Variants in CPNE8 observed in about 807,000 individuals in gnomAD.
CPNE8 encodes copine 8.
A neutral mutation model predicts 81.5 loss-of-function variants in CPNE8; 45 were observed. The observed-to-expected ratio is 0.55, with a 90% CI of 0.44 to 0.71. The LOEUF (loss-of-function observed/expected upper bound fraction) is 0.71, where lower values mean the gene tolerates loss of function less well. CPNE8 is among the 30% of genes least tolerant of loss of function. CPNE8 has a pLI of 0.00. For missense variants in CPNE8, 594 were observed against 672.1 expected (o/e 0.88, Z 1.28); for synonymous variants, 252 against 226.3 (o/e 1.11, Z -1.02).
rs533364077 is a variant in CPNE8, at chr12:38,879,104, A to G, written c.99-4593T>C. 4.6e-5 allele frequency among the ~76,000 whole-genome samples: 7 copies of G among 152,330 alleles called. No homozygotes were observed. The South Asian group carries it at 1.5e-3, about 32-fold the overall frequency. Reference sequence around the variant, plus strand: ...AATAAATATATGTCCTGAAATAAGTACCTTATTGAGAGAGTCAGGTGGGAG... The same window carrying G: ...AATAAATATATGTCCTGAAATAAGTGCCTTATTGAGAGAGTCAGGTGGGAG... On this transcript the variant is annotated intron_variant, in intron 1 of 19. Transcript: ENST00000331366.
chr12:38,802,777 A>C (rs1355635759), intron 6 of CPNE8, among the ~76,000 whole-genome samples: 1 of 145,154 alleles, frequency 6.9e-6, no homozygotes, highest in Non-Finnish European at 1.5e-5. Context: ...AATAAAGAAA[A>C]AAAGAGAGAA....
intron 6 of CPNE8, among the ~76,000 whole-genome samples, chr12:38,798,021 G>C (rs368489241): frequency 3.9e-4 from 59 of 152,066 alleles, no homozygotes; most frequent in Non-Finnish European, 6.5e-4. Context: ...AAGAAATGAA[G>C]AAAGCCTCCA....
rs1016149747 is a variant in CPNE8, at chr12:38,684,984, G to A, written c.1271+506C>T. ...AATTATATTCTGATCTCAGTACTAT[G>A]TACCATATACAGGTAGAGCTCTGGG... On this transcript the variant is annotated intron_variant, in intron 16 of 19. Transcript: ENST00000331366. 4.6e-5 allele frequency among the ~76,000 whole-genome samples: 7 copies of A among 152,230 alleles called. No homozygotes were observed. The South Asian group carries it at 8.3e-4, about 18-fold the overall frequency.
chr12:38,787,004 T>C (rs1454633389), intron 6 of CPNE8, among the ~76,000 whole-genome samples: 1 of 152,104 alleles, frequency 6.6e-6, no homozygotes, highest in African/African-American at 2.4e-5. Flanking sequence ...AATACAATAA[T>C]AGCTGAAGAC....
chr12:38,656,411 G>A (rs1339532416), intron 19 of CPNE8, among the ~76,000 whole-genome samples: 1 of 150,234 alleles, frequency 6.7e-6, no homozygotes, highest in Admixed American at 6.7e-5. Flanking sequence ...TTGGCAAACA[G>A]TTGATGCTTC....
intron 13 of CPNE8, among the ~76,000 whole-genome samples, chr12:38,718,505 C>G: frequency 6.6e-6 from 1 of 151,894 alleles, no homozygotes; most frequent in East Asian, 1.9e-4. Flanking sequence ...CTGACAAGGA[C>G]TTATATCTAT....
At chr12:38,864,239 C>T (rs1444122378) in intron 3 of CPNE8, among the ~76,000 whole-genome samples, 8 of 152,012 alleles carry the variant, frequency 5.3e-5, no homozygotes, top group Non-Finnish European at 1.0e-4. Flanking sequence ...AGAACTATAG[C>T]CCATAGGCCA....
In CPNE8 at chr12:38,693,792, T is replaced by G. The variant is rs781701063; in HGVS notation, c.1008A>C (p.Gln336His). 7.4e-6 allele frequency: 12 copies of G among 1,612,724 alleles called. No homozygotes were observed. The highest frequency in any genetic ancestry group is 1.0e-5 in the Non-Finnish European group (12 of 1,179,472). The part of the protein sequence containing the change: ...PTSLHYMNPY[Q>H]LNAYGMALKA... ...TTAGTGCCATACCATAGGCATTCAG[T>G]TGGTAAGGATTCATGTAGTGGAGGG... The change falls in exon 15 of 20, where the codon CAA becomes CAC. Residue 336 changes from glutamine (Q) to histidine (H), a missense_variant. By Grantham distance (24) the Gln-to-His change is conservative. Transcript: ENST00000331366.
intron 19 of CPNE8, among the ~76,000 whole-genome samples, chr12:38,663,472 T>A (rs1357519163): frequency 6.6e-6 from 1 of 152,016 alleles, no homozygotes; most frequent in Non-Finnish European, 1.5e-5. Context: ...CTCATCCCAG[T>A]TAGAATGGCT....
chr12:38,699,883 C>T lies in CPNE8; in HGVS notation c.961+2992G>A, dbSNP rs370545448. 5.2e-4 allele frequency among the ~76,000 whole-genome samples: 79 copies of T among 152,170 alleles called. 1 individual carries two copies. The highest frequency in any genetic ancestry group is 3.4e-3 in the Middle Eastern group (1 of 294). ...ATTTTCTAATTGTTTCTTGGAAGTG[C>T]ATTAAAAGAACTGAGTTTTATATAT... On this transcript the variant is annotated intron_variant, in intron 14 of 19. Coordinates refer to ENST00000331366, the MANE Select transcript of CPNE8 (RefSeq NM_153634.3).
At chr12:38,712,513 T>A (rs1432677421) in intron 13 of CPNE8, among the ~76,000 whole-genome samples, 1 of 152,174 alleles carries the variant, frequency 6.6e-6, no homozygotes, top group Non-Finnish European at 1.5e-5. Flanking sequence ...ATGCCCAGGC[T>A]GCCACCAATT....
intron 13 of CPNE8, among the ~76,000 whole-genome samples, chr12:38,711,306 C>T (rs1940250517): frequency 6.6e-6 from 1 of 152,084 alleles, no homozygotes. Flanking sequence ...CAATATTTGG[C>T]AAGATTAGTG....
intron 5 of CPNE8, among the ~76,000 whole-genome samples, chr12:38,838,919 C>T (rs1371240210): frequency 2.0e-5 from 3 of 151,970 alleles, no homozygotes; most frequent in African/African-American, 4.8e-5. Context: ...ATCTCTTTTC[C>T]GAATTATTAC....
At chr12:38,722,140 A>G (rs1940580490) in intron 13 of CPNE8, among the ~76,000 whole-genome samples, 1 of 152,224 alleles carries the variant, frequency 6.6e-6, no homozygotes, top group Non-Finnish European at 1.5e-5. Context: ...AAGATCCTGT[A>G]ACACTATTAC....
At chr12:38,816,680 A>T (rs929672458) in intron 6 of CPNE8, among the ~76,000 whole-genome samples, 2 of 152,238 alleles carry the variant, frequency 1.3e-5, no homozygotes, top group Non-Finnish European at 2.9e-5. Context: ...TATTTATTTT[A>T]AAAATTGAAA....
chr12:38,701,477 TTTTG>T (rs559466209), intron 14 of CPNE8, among the ~76,000 whole-genome samples: 99 of 152,098 alleles, frequency 6.5e-4, no homozygotes, highest in African/African-American at 1.7e-3. Context: ...TATTATTTCT[TTTTG>T]TTTGTTTGTT....
chr12:38,655,504 A>T (rs116728996), intron 19 of CPNE8, among the ~76,000 whole-genome samples: 2,539 of 152,326 alleles, frequency 0.017, 53 homozygotes, highest in African/African-American at 0.057. Context: ...AGTACAATAT[A>T]TAAAAATTTG....
At chr12:38,760,809 C>A in intron 10 of CPNE8, 38 bp downstream of exon 10, 1 of 1,507,048 alleles carries the variant, frequency 6.6e-7, no homozygotes, top group South Asian at 1.2e-5. Context: ...TCTTAAAGTA[C>A]ACCCAGTTCA....
intron 5 of CPNE8, among the ~76,000 whole-genome samples, chr12:38,833,280 A>T (rs1053842204): frequency 6.9e-6 from 1 of 145,234 alleles, no homozygotes; most frequent in Non-Finnish European, 1.5e-5. Context: ...TTGATCCCGG[A>T]GGCAGAGGTA....
Sources: gnomAD v4.1 joint callset for allele counts (sites outside exome capture counted in the v4.1 genomes callset) on GRCh38, gnomAD v4.1.1 for gene constraint, MANE v1.5 for transcripts, NCBI Gene and HGNC (gene_info 2026-07-23, HGNC 2026-07-21) for gene names.